Variants in TMEM144 observed in about 807,000 individuals in gnomAD.
TMEM144 encodes transmembrane protein 144.
Under a neutral mutation model 43.6 loss-of-function variants are expected in TMEM144, and 39 were observed. The observed-to-expected ratio is 0.90, with a 90% CI of 0.69 to 1.17. TMEM144 has a LOEUF of 1.17. Among genes scored for constraint, TMEM144 ranks in the 50% most tolerant of loss-of-function variants. The pLI, the probability that TMEM144 is intolerant of heterozygous loss-of-function variation, is 0.00. For missense variants in TMEM144, 417 were observed against 411.9 expected (o/e 1.01, Z -0.11); for synonymous variants, 154 against 133.6 (o/e 1.15, Z -1.06).
At chr4:158,241,658 A>G in intron 11 of TMEM144, 52 bp downstream of exon 11, 7 of 1,493,446 alleles carry the variant, frequency 4.7e-6, no homozygotes, top group East Asian at 4.5e-5. Context: ...TGTAAACCCA[A>G]TTTTTCTGAA....
rs79226384 is a variant in TMEM144, at chr4:158,220,322, A to G, written c.413+932A>G. 4.3e-3 allele frequency among the ~76,000 whole-genome samples: 658 copies of G among 152,362 alleles called. 5 individuals are homozygous for G. Among genetic ancestry groups the G allele is most frequent in the African/African-American group, 0.015 (635 of 41,588 alleles). On this transcript the variant is annotated intron_variant, in intron 6 of 12. Transcript: ENST00000296529. ...TTAGAGGCAATTTTATGTATTTTGTATAATTCACACAGAATTCTAGCTCTG... is the reference window on the plus strand; with the variant it reads ...TTAGAGGCAATTTTATGTATTTTGTGTAATTCACACAGAATTCTAGCTCTG...
At chr4:158,236,340 TA>T (rs1735347970) in intron 8 of TMEM144, among the ~76,000 whole-genome samples, 1 of 152,194 alleles carries the variant, frequency 6.6e-6, no homozygotes, top group South Asian at 2.1e-4. Flanking sequence ...TGCGTCAGAA[TA>T]AAACCAACCT....
chr4:158,236,474 C>T (rs867852312), intron 8 of TMEM144, among the ~76,000 whole-genome samples: 29 of 151,988 alleles, frequency 1.9e-4, no homozygotes, highest in African/African-American at 5.8e-4. Flanking sequence ...GTCTTGTCTG[C>T]GTTTGGGACG....
intron 8 of TMEM144, 189 bp downstream of exon 8, chr4:158,235,694 A>G (rs1328239460): frequency 6.3e-6 from 3 of 476,462 alleles, no homozygotes; most frequent in African/African-American, 1.9e-5. Context: ...CTTGAGCTCA[A>G]CTGCTTTGAG....
intron 4 of TMEM144, among the ~76,000 whole-genome samples, chr4:158,216,843 T>A (rs930391997): frequency 5.3e-5 from 8 of 151,248 alleles, no homozygotes; most frequent in African/African-American, 1.5e-4. Flanking sequence ...AAAAAAAAAA[T>A]TATGTATTTG....
At chr4:158,238,216 T>C (rs543302381) in intron 9 of TMEM144, among the ~76,000 whole-genome samples, 29 of 152,344 alleles carry the variant, frequency 1.9e-4, no homozygotes, top group Middle Eastern at 3.4e-3. Flanking sequence ...CTACTAATTA[T>C]GTTGAAGCAT....
intron 5 of TMEM144, among the ~76,000 whole-genome samples, chr4:158,217,962 A>C (rs1734312390): frequency 6.6e-6 from 1 of 152,152 alleles, no homozygotes; most frequent in South Asian, 2.1e-4. Flanking sequence ...AAACCCATCC[A>C]TTTAAGGATT....
chr4:158,235,009 G>A (rs2111133100), intron 7 of TMEM144: 1 of 153,842 alleles, frequency 6.5e-6, no homozygotes, highest in South Asian at 2.0e-4. Flanking sequence ...GCCTAATATT[G>A]AAACATGGCT....
At chr4:158,214,886 GA>G (rs1032130437) in intron 3 of TMEM144, among the ~76,000 whole-genome samples, 3 of 152,180 alleles carry the variant, frequency 2.0e-5, no homozygotes, top group Non-Finnish European at 2.9e-5. Context: ...CTAATAGGAG[GA>G]AAAAAAGAAT....
At chr4:158,219,429 A>C in intron 6 of TMEM144, 39 bp downstream of exon 6, 1 of 1,576,018 alleles carries the variant, frequency 6.3e-7, no homozygotes, top group Admixed American at 1.7e-5. Flanking sequence ...GTTCTTCAAA[A>C]CATGGAGAGT....
At position 158,212,682 on chromosome 4, in the gene TMEM144, A is replaced by C; in HGVS notation, c.15A>C (p.Gly5=). 1.2e-6 allele frequency: 2 copies of C among 1,612,794 alleles called. No individual in the cohort carries two copies. Among genetic ancestry groups the C allele is most frequent in the Non-Finnish European group, 1.7e-6 (2 of 1,179,572 alleles). The change falls in exon 3 of 13, where the codon GGA becomes GGC. Residue 5 remains glycine (G), a synonymous_variant. Transcript: ENST00000296529. ...AGACTGGAATCATGAGCAACAATGG[A>C]GCAGACCTAACCTTTGGTTACATCT... is the stretch of plus-strand genomic sequence containing the variant. The part of the protein sequence containing the change: MSNN[G]ADLTFGYISC...
chr4:158,250,813 G>A (rs1736165363), intron 12 of TMEM144, among the ~76,000 whole-genome samples: 1 of 152,144 alleles, frequency 6.6e-6, no homozygotes. Flanking sequence ...CTGCTTTTAT[G>A]AACCCACTCC....
chr4:158,230,687 T>C (rs1735035131), intron 6 of TMEM144, among the ~76,000 whole-genome samples: 1 of 151,830 alleles, frequency 6.6e-6, no homozygotes, highest in Non-Finnish European at 1.5e-5. Context: ...GTAACTCATA[T>C]ATATTAGGCT....
chr4:158,211,479 C>T lies in TMEM144; in HGVS notation c.-156C>T, dbSNP rs1733956708. On this transcript the variant is annotated 5_prime_UTR_variant, in exon 2 of 13. Transcript: ENST00000296529. ...CATAGGTTAGCTTTTCAAGACACTT[C>T]CTGCATCTCTGACCTGTTGCACCTC... is the stretch of plus-strand genomic sequence containing the variant. 6.6e-6 allele frequency: 1 copy of T among 152,202 alleles called. No individual in the cohort carries two copies. Among genetic ancestry groups the T allele is most frequent in the African/African-American group, 2.4e-5 (1 of 41,440 alleles). The allele number at this position is 152,202 out of a possible 1,614,324, so 9.4% of individuals were successfully genotyped here.
At chr4:158,237,438 T>G (rs908300456) in intron 8 of TMEM144, 87 bp from the exon 9 acceptor site, 4 of 1,059,934 alleles carry the variant, frequency 3.8e-6, no homozygotes, top group African/African-American at 1.6e-5. Flanking sequence ...TGATTTGCCT[T>G]TTGAAGCATG....
chr4:158,221,795 C>A (rs938709153), intron 6 of TMEM144, among the ~76,000 whole-genome samples: 2 of 152,136 alleles, frequency 1.3e-5, no homozygotes, highest in African/African-American at 2.4e-5. Flanking sequence ...ATGGACCAAA[C>A]TACACATCTC....
chr4:158,254,511 T>C lies in TMEM144; in HGVS notation c.*984T>C, dbSNP rs989103502. 1.3e-5 allele frequency: 2 copies of C among 150,544 alleles called. No individual in the cohort carries two copies. The highest frequency in any genetic ancestry group is 3.0e-5 in the Non-Finnish European group (2 of 67,768). The allele number at this position is 150,544 out of a possible 1,614,324, so 9.3% of individuals were successfully genotyped here. A position where few individuals can be genotyped will look rare whatever the true frequency, so the allele number is the denominator to read the frequency against. ...GGTGGCGCACTACTATAATCCCAGC[T>C]GCTGGGGCGGCTGAAGTAGGAGGGT... On this transcript the variant is annotated 3_prime_UTR_variant, in exon 13 of 13. Coordinates refer to ENST00000296529, the MANE Select transcript of TMEM144 (RefSeq NM_018342.5).
At chr4:158,225,715 C>T (rs1438387770) in intron 6 of TMEM144, among the ~76,000 whole-genome samples, 1 of 152,226 alleles carries the variant, frequency 6.6e-6, no homozygotes, top group Non-Finnish European at 1.5e-5. Flanking sequence ...ACCACACATC[C>T]GTTCAGGGAT....
chr4:158,237,351 C>T, intron 8 of TMEM144, 174 bp from the exon 9 acceptor site: 1 of 570,706 alleles, frequency 1.8e-6, no homozygotes, highest in Non-Finnish European at 3.1e-6. Context: ...CCTGATGCCA[C>T]TTTAATACTG....
Sources: allele counts gnomAD v4.1 joint callset (sites outside exome capture counted in the v4.1 genomes callset), GRCh38; gene constraint gnomAD v4.1.1; transcripts MANE v1.5; gene names NCBI Gene and HGNC (gene_info 2026-07-23, HGNC 2026-07-21).